Variants in TMEM135 observed in about 807,000 individuals in gnomAD.
TMEM135 encodes the protein peroxisomal membrane protein 52.
A neutral mutation model predicts 60.3 loss-of-function variants in TMEM135; 30 were observed. The observed-to-expected ratio is 0.50, with a 90% confidence interval of 0.37 to 0.68. The LOEUF is 0.68. Among genes scored for constraint, TMEM135 ranks in the 30% least tolerant of loss-of-function variants. The pLI is 0.00. For synonymous variants in TMEM135, 190 were observed against 186.7 expected, an observed-to-expected ratio of 1.02 and a Z score of -0.14; for missense variants, 468 against 548.8, an observed-to-expected ratio of 0.85 and a Z score of 1.47.
At chr11:87,305,544 C>T (rs971488492) in intron 8 of TMEM135, among the ~76,000 whole-genome samples, 7 of 152,030 alleles carry the variant, frequency 4.6e-5, no homozygotes, top group Non-Finnish European at 8.8e-5. Flanking sequence ...GAGGCCGAGG[C>T]AGGCGGATCA....
chr11:87,302,327 C>T lies in TMEM135; in HGVS notation c.583C>T (p.His195Tyr), dbSNP rs1294230644. The T allele has an allele frequency of 4.3e-6, 7 of 1,613,688 alleles. No homozygotes were observed. The highest frequency in any genetic ancestry group is 5.9e-6 in the Non-Finnish European group (7 of 1,179,904). ...TGTAGGGAAGGAAGAAATTCCCACA[C>T]ATTCTTTTTCACCAGAGGCAGCATA... The part of the protein sequence containing the change: ...FIVGKEEIPT[H>Y]SFSPEAAYAK... The change falls in exon 8 of 15, where the codon CAT (histidine) becomes TAT (tyrosine). Residue 195 changes from histidine to tyrosine, a missense_variant. Coordinates refer to ENST00000305494, the MANE Select transcript of TMEM135 (RefSeq NM_022918.4).
At chr11:87,316,689 C>T (rs1325256678) in intron 12 of TMEM135, among the ~76,000 whole-genome samples, 14 of 151,818 alleles carry the variant, frequency 9.2e-5, no homozygotes, top group Admixed American at 9.2e-4. Flanking sequence ...GAAAATAATC[C>T]TTAGGTGGCA....
At chr11:87,102,147 G>A (rs948991103) in intron 4 of TMEM135, among the ~76,000 whole-genome samples, 4 of 152,172 alleles carry the variant, frequency 2.6e-5, no homozygotes, top group African/African-American at 9.7e-5. Context: ...GATAGCATCA[G>A]ATTCCACTGG....
At chr11:87,162,363 C>T (rs1046730168) in intron 5 of TMEM135, among the ~76,000 whole-genome samples, 1 of 152,064 alleles carries the variant, frequency 6.6e-6, no homozygotes, top group Non-Finnish European at 1.5e-5. Flanking sequence ...TAATGCTATC[C>T]CTCCCCTAGC....
intron 4 of TMEM135, among the ~76,000 whole-genome samples, chr11:87,149,575 A>G (rs1327322909): frequency 1.3e-5 from 2 of 152,236 alleles, no homozygotes; most frequent in African/African-American, 2.4e-5. Context: ...TTTCTCAGTC[A>G]TAGCCATTTT....
At position 87,328,238 on chromosome 11, in the gene TMEM135, C is replaced by G; in HGVS notation, c.*6905C>G. On this transcript the variant is annotated 3_prime_UTR_variant, in exon 15 of 15. Coordinates refer to ENST00000305494, the MANE Select transcript of TMEM135 (RefSeq NM_022918.4). The stretch of plus-strand genomic sequence containing the variant: ...CTTCTCTCTCTTGATTTAGAATTCT[C>G]TTTTTCTCCACTCTTCTGTGTATGC... The G allele has an allele frequency of 4.4e-6, 2 of 454,046 alleles. No individual in the cohort carries two copies. The highest frequency in any genetic ancestry group is 3.1e-5 in the South Asian group (2 of 64,466). The allele number at this position is 454,046 out of a possible 1,614,324, so 28.1% of individuals were successfully genotyped here. A position where few individuals can be genotyped will look rare whatever the true frequency, so the allele number is the denominator to read the frequency against.
chr11:87,128,692 G>A (rs1265813503), intron 4 of TMEM135, among the ~76,000 whole-genome samples: 1 of 152,014 alleles, frequency 6.6e-6, no homozygotes, highest in Non-Finnish European at 1.5e-5. Flanking sequence ...TTTGGAAAAC[G>A]GTTTGTTACT....
intron 5 of TMEM135, among the ~76,000 whole-genome samples, chr11:87,233,293 A>G (rs1940927458): frequency 6.6e-6 from 1 of 152,172 alleles, no homozygotes; most frequent in Non-Finnish European, 1.5e-5. Context: ...CATTAAATGT[A>G]AATAGTCTAA....
chr11:87,246,369 T>A (rs1941271240), intron 6 of TMEM135, among the ~76,000 whole-genome samples: 1 of 151,430 alleles, frequency 6.6e-6, no homozygotes. Context: ...TGTGGCATTC[T>A]CTGTATTTCC....
At chr11:87,043,014 G>T (rs1949763980) in intron 1 of TMEM135, among the ~76,000 whole-genome samples, 6 of 149,142 alleles carry the variant, frequency 4.0e-5, no homozygotes, top group Admixed American at 4.0e-4. Context: ...GGAGTGCAGT[G>T]GTGTGATCTC....
chr11:87,304,326 A>G (rs1460639385), intron 8 of TMEM135, among the ~76,000 whole-genome samples: 1 of 152,202 alleles, frequency 6.6e-6, no homozygotes, highest in African/African-American at 2.4e-5. Flanking sequence ...ATCTATGATC[A>G]TTATGATCAT....
At chr11:87,197,626 T>C (rs1022536955) in intron 5 of TMEM135, among the ~76,000 whole-genome samples, 1 of 151,056 alleles carries the variant, frequency 6.6e-6, no homozygotes, top group Non-Finnish European at 1.5e-5. Flanking sequence ...GGTTTACTTA[T>C]GGCCAGTGTG....
chr11:87,313,287 A>G (rs2135450983), intron 10 of TMEM135, 138 bp from the exon 11 acceptor site: 4 of 661,640 alleles, frequency 6.0e-6, no homozygotes, highest in South Asian at 1.8e-5. Flanking sequence ...CCAATCATGT[A>G]TGCAGTTTGA....
At chr11:87,056,763 G>T (rs1027747682) in intron 1 of TMEM135, among the ~76,000 whole-genome samples, 4 of 152,238 alleles carry the variant, frequency 2.6e-5, no homozygotes, top group Non-Finnish European at 4.4e-5. Context: ...GTGTTCATGA[G>T]TTCTGTTTAA....
At chr11:87,309,021 A>G (rs1362130856) in intron 9 of TMEM135, among the ~76,000 whole-genome samples, 1 of 152,200 alleles carries the variant, frequency 6.6e-6, no homozygotes, top group East Asian at 1.9e-4. Flanking sequence ...AAAAGTTAGC[A>G]CCAAAGGTCT....
rs563061668 is a variant in TMEM135 at position 87,323,011 on chromosome 11, TA to T, written c.*1681del. The T allele has an allele frequency of 6.6e-4, 300 of 454,420 alleles. 1 individual carries two copies. The highest frequency in any genetic ancestry group is 1.1e-3 in the Non-Finnish European group (248 of 226,704). 28.1% of individuals were successfully genotyped at this position (454,420 alleles called of 1,614,324 possible). A position where few individuals can be genotyped will look rare whatever the true frequency, so the allele number is the denominator to read the frequency against. Reference sequence around the variant, plus strand: ...GTGTTTACTGTTTAAAATGAAGTACTAAAGCCCTGAGAACTGCACCTCATTT... The same window carrying T: ...GTGTTTACTGTTTAAAATGAAGTACTAAGCCCTGAGAACTGCACCTCATTT... On this transcript the variant is annotated 3_prime_UTR_variant, in exon 15 of 15. Coordinates refer to ENST00000305494, the MANE Select transcript of TMEM135 (RefSeq NM_022918.4).
intron 6 of TMEM135, among the ~76,000 whole-genome samples, chr11:87,243,409 T>G (rs1409059616): frequency 1.5e-5 from 2 of 129,642 alleles, no homozygotes; most frequent in East Asian, 4.1e-4. Flanking sequence ...GGTAGCTTGA[T>G]GGGGATGGCA....
chr11:87,310,100 G>A (rs1160093724), intron 10 of TMEM135, among the ~76,000 whole-genome samples: 1 of 151,770 alleles, frequency 6.6e-6, no homozygotes, highest in Middle Eastern at 3.2e-3. Context: ...TGATAGAATC[G>A]GTGAGGATTT....
At chr11:87,210,651 C>T (rs1336058901) in intron 5 of TMEM135, among the ~76,000 whole-genome samples, 1 of 152,254 alleles carries the variant, frequency 6.6e-6, no homozygotes, top group South Asian at 2.1e-4. Flanking sequence ...GGGACTCCTA[C>T]CTAACTCACT....
Sources: gnomAD v4.1 joint callset for allele counts (sites outside exome capture counted in the v4.1 genomes callset) on GRCh38, gnomAD v4.1.1 for gene constraint, MANE v1.5 for transcripts, NCBI Gene and HGNC (gene_info 2026-07-23, HGNC 2026-07-21) for gene names.